Variants in MDGA2 observed in about 807,000 individuals in gnomAD.
The protein encoded by MDGA2 is MAM domain containing glycosylphosphatidylinositol anchor 2.
MDGA2 carries 40 observed loss-of-function variants against 117.8 expected under a neutral mutation model. The ratio of observed to expected loss-of-function variants is 0.34; its 90% CI spans 0.26 to 0.44. MDGA2 has a LOEUF of 0.44. MDGA2 is among the 20% of genes least tolerant of loss of function. MDGA2 has a pLI of 1.00. For synonymous variants in MDGA2, 452 were observed against 439.0 expected, an observed-to-expected ratio of 1.03 and a Z score of -0.37; for missense variants, 1,123 against 1,250.6, an observed-to-expected ratio of 0.90 and a Z score of 1.54.
chr14:47,574,116 G>C (rs2138827001), intron 1 of MDGA2, among the ~76,000 whole-genome samples: 1 of 152,248 alleles, frequency 6.6e-6, no homozygotes, highest in East Asian at 1.9e-4. Flanking sequence ...GGGTTCTGTG[G>C]ATCGTGGCTT....
At chr14:46,851,756 A>G (rs1594994042) in intron 15 of MDGA2, among the ~76,000 whole-genome samples, 1 of 151,972 alleles carries the variant, frequency 6.6e-6, no homozygotes, top group East Asian at 1.9e-4. Flanking sequence ...AATACCAGAA[A>G]GTTACATTTG....
intron 2 of MDGA2, among the ~76,000 whole-genome samples, chr14:47,259,669 A>C (rs951013281): frequency 1.3e-5 from 2 of 152,122 alleles, no homozygotes; most frequent in African/African-American, 4.8e-5. Context: ...GGCTACTGAA[A>C]AGAATGGCGA....
chr14:46,898,747 C>T (rs1306023926), intron 10 of MDGA2, among the ~76,000 whole-genome samples: 3 of 152,088 alleles, frequency 2.0e-5, no homozygotes, highest in East Asian at 1.9e-4. Flanking sequence ...GACTACAAGA[C>T]TGGATAGGAC....
chr14:47,183,073 G>T (rs909327323), intron 3 of MDGA2, among the ~76,000 whole-genome samples: 3 of 152,034 alleles, frequency 2.0e-5, no homozygotes, highest in African/African-American at 7.2e-5. Flanking sequence ...GTTGTTTTCT[G>T]AACATTTATA....
intron 1 of MDGA2, among the ~76,000 whole-genome samples, chr14:47,522,471 T>C (rs1270759745): frequency 6.6e-6 from 1 of 152,174 alleles, no homozygotes; most frequent in Non-Finnish European, 1.5e-5. Flanking sequence ...AATAATTTTA[T>C]ACATGCAGTT....
At chr14:47,228,090 A>G (rs908108568) in intron 2 of MDGA2, among the ~76,000 whole-genome samples, 11 of 152,136 alleles carry the variant, frequency 7.2e-5, no homozygotes, top group South Asian at 4.1e-4. Context: ...CAGTTATTTA[A>G]ACCAAAACTT....
chr14:47,148,907 C>T lies in MDGA2; in HGVS notation c.596-4633G>A, dbSNP rs911986087. Among the ~76,000 whole-genome samples, 15 of 152,212 alleles carry T rather than the reference C, an allele frequency of 9.9e-5. No individual in the cohort carries two copies. The East Asian group carries it at 2.1e-3, about 22-fold the overall frequency. On this transcript the variant is annotated intron_variant, in intron 3 of 16. Transcript: ENST00000399232. ...AGTTTCTTGGCTGTCCACTTATTTT[C>T]CCCTAGAGATGCTGTGTTCTGTTAA...
chr14:46,932,325 TA>T (rs1349318259), intron 9 of MDGA2, among the ~76,000 whole-genome samples: 4 of 152,086 alleles, frequency 2.6e-5, no homozygotes, highest in African/African-American at 4.8e-5. Context: ...TTTGCTTCAA[TA>T]ATGTAAGTTC....
chr14:47,039,676 A>G (rs1888991025), intron 7 of MDGA2, among the ~76,000 whole-genome samples: 1 of 152,226 alleles, frequency 6.6e-6, no homozygotes. Flanking sequence ...GAGTTGTTAA[A>G]TAAATCATAA....
chr14:47,383,162 C>T (rs1891674910), intron 1 of MDGA2, among the ~76,000 whole-genome samples: 1 of 152,098 alleles, frequency 6.6e-6, no homozygotes. Context: ...AATGAGAACA[C>T]TTGGACACAG....
chr14:47,609,428 C>CATATAT (rs3040345), intron 1 of MDGA2, among the ~76,000 whole-genome samples: 1,235 of 17,466 alleles, frequency 0.071, 204 homozygotes, highest in South Asian at 0.12. Flanking sequence ...AGTATTCCAT[C>CATATAT]ATATATATAT....
At chr14:47,264,196 TAATA>T (rs1887889513) in intron 2 of MDGA2, among the ~76,000 whole-genome samples, 1 of 152,194 alleles carries the variant, frequency 6.6e-6, no homozygotes, top group Non-Finnish European at 1.5e-5. Flanking sequence ...ATGAACTCAC[TAATA>T]AATCACATAC....
intron 1 of MDGA2, among the ~76,000 whole-genome samples, chr14:47,630,608 A>C (rs1897237550): frequency 6.6e-6 from 1 of 152,214 alleles, no homozygotes; most frequent in Non-Finnish European, 1.5e-5. Context: ...AAATATTAAA[A>C]ACAATGGCGA....
intron 3 of MDGA2, among the ~76,000 whole-genome samples, chr14:47,166,034 T>C (rs931347156): frequency 5.7e-4 from 20 of 35,256 alleles, no homozygotes; most frequent in Non-Finnish European, 1.2e-3. Context: ...CACTGTTTAC[T>C]TTTTTTTTTT....
chr14:47,237,859 C>CCT (rs1380753181), intron 2 of MDGA2, among the ~76,000 whole-genome samples: 1 of 152,104 alleles, frequency 6.6e-6, no homozygotes, highest in African/African-American at 2.4e-5. Flanking sequence ...ATTCTTGACC[C>CCT]CTCTAATCTA....
intron 8 of MDGA2, among the ~76,000 whole-genome samples, chr14:46,959,832 C>A (rs1001224075): frequency 2.6e-5 from 4 of 152,148 alleles, no homozygotes; most frequent in African/African-American, 9.7e-5. Context: ...TATTATACTA[C>A]TGAAGAACAC....
intron 1 of MDGA2, among the ~76,000 whole-genome samples, chr14:47,356,568 T>C (rs1265441719): frequency 6.6e-6 from 1 of 152,100 alleles, no homozygotes; most frequent in East Asian, 1.9e-4. Context: ...CAGGGGAACA[T>C]TAACAACATG....
rs777818167 is a variant in MDGA2 at position 46,841,914 on chromosome 14, C to A, written c.*17G>T. 7 of 1,552,124 alleles carry A rather than the reference C, an allele frequency of 4.5e-6. No individual in the cohort carries two copies. The highest frequency in any genetic ancestry group is 1.7e-5 in the Admixed American group (1 of 58,626). On this transcript the variant is annotated 3_prime_UTR_variant, in exon 17 of 17. Transcript: ENST00000399232. Reference sequence around the variant, plus strand: ...CCAGTGCCTGGTGAATCTTTTATAGCCTCTGCCAGGATAAGGTCACCTTCG... The same window carrying A: ...CCAGTGCCTGGTGAATCTTTTATAGACTCTGCCAGGATAAGGTCACCTTCG...
At chr14:46,940,614 C>T (rs948321176) in intron 9 of MDGA2, among the ~76,000 whole-genome samples, 1 of 128,800 alleles carries the variant, frequency 7.8e-6, no homozygotes, top group African/African-American at 3.0e-5. Flanking sequence ...GGTGACAGAG[C>T]GAGACTGTCT....
Sources: allele counts gnomAD v4.1 joint callset (sites outside exome capture counted in the v4.1 genomes callset), GRCh38; gene constraint gnomAD v4.1.1; transcripts MANE v1.5; gene names NCBI Gene and HGNC (gene_info 2026-07-23, HGNC 2026-07-21).